The following WWOX variants were observed in gnomAD, a reference collection of about 807,000 sequenced individuals.
WWOX encodes WW domain-containing oxidoreductase.
A neutral mutation model predicts 46.2 loss-of-function variants in WWOX; 69 were observed. The observed-to-expected ratio is 1.49, with a 90% CI of 1.23 to 1.82. The LOEUF is 1.82. Among genes scored for constraint, WWOX ranks in the 40% most tolerant of loss-of-function variants. The pLI, the probability that WWOX is intolerant of heterozygous loss-of-function variation, is 0.00. For synonymous variants in WWOX, 359 were observed against 202.6 expected (o/e 1.77, Z -6.56); for missense variants, 919 against 542.6 (o/e 1.69, Z -6.89).
At chr16:78,328,563 T>C (rs931875111) in intron 5 of WWOX, among the ~76,000 whole-genome samples, 1 of 152,218 alleles carries the variant, frequency 6.6e-6, no homozygotes, top group African/African-American at 2.4e-5. Context: ...AACAAGTATT[T>C]ATTGTAGGCC....
intron 5 of WWOX, among the ~76,000 whole-genome samples, chr16:78,288,475 A>G (rs2079807378): frequency 6.6e-6 from 1 of 152,154 alleles, no homozygotes; most frequent in East Asian, 1.9e-4. Flanking sequence ...AATGGAATGT[A>G]TTTGGAAAGA....
chr16:78,164,338 C>T (rs147461346), intron 5 of WWOX, 49 bp downstream of exon 5: 110 of 1,537,828 alleles, frequency 7.2e-5, no homozygotes, highest in African/African-American at 2.9e-4. Flanking sequence ...ATACACATGC[C>T]GGGCTAACCA....
intron 5 of WWOX, among the ~76,000 whole-genome samples, chr16:78,325,110 C>G (rs1367334566): frequency 9.9e-5 from 15 of 152,124 alleles, no homozygotes; most frequent in Non-Finnish European, 4.4e-5. Flanking sequence ...GAGTGTTGGT[C>G]CCGTCACAGG....
chr16:78,248,776 A>T (rs2037897051), intron 5 of WWOX, among the ~76,000 whole-genome samples: 1 of 151,942 alleles, frequency 6.6e-6, no homozygotes, highest in Non-Finnish European at 1.5e-5. Flanking sequence ...TTTGGTGGGG[A>T]CACAGATTCA....
intron 4 of WWOX, among the ~76,000 whole-genome samples, chr16:78,158,919 A>G (rs2034692704): frequency 1.3e-5 from 2 of 152,084 alleles, no homozygotes; most frequent in Admixed American, 1.3e-4. Flanking sequence ...CCCTTTGGCT[A>G]ATACCTCCTT....
Position 78,745,716 on chromosome 16 carries a change from A to G in WWOX, c.1056+312964A>G, listed in dbSNP as rs570750277. On this transcript the variant is annotated intron_variant, in intron 8 of 8. Coordinates refer to ENST00000566780, the MANE Select transcript of WWOX (RefSeq NM_016373.4). Reference sequence around the variant, plus strand: ...CCCCCTCACTGCCACACCCCCTCATAGATTTCTTCTTTTCCTCCTCCTTCT... The same window carrying G: ...CCCCCTCACTGCCACACCCCCTCATGGATTTCTTCTTTTCCTCCTCCTTCT... 4.8e-5 allele frequency among the ~76,000 whole-genome samples: 7 copies of G among 145,944 alleles called. No homozygotes were observed. In the South Asian group the frequency reaches 1.4e-3, roughly 29 times the overall value.
At chr16:78,607,232 A>G (rs986374836) in intron 8 of WWOX, among the ~76,000 whole-genome samples, 1 of 152,186 alleles carries the variant, frequency 6.6e-6, no homozygotes, top group Non-Finnish European at 1.5e-5. Context: ...ACTTTAATAA[A>G]GCGGTTTATA....
intron 5 of WWOX, among the ~76,000 whole-genome samples, chr16:78,293,414 C>T (rs1280373182): frequency 1.3e-5 from 2 of 152,156 alleles, no homozygotes; most frequent in Non-Finnish European, 2.9e-5. Context: ...TCTGTATCCC[C>T]TGGGATAACC....
intron 8 of WWOX, among the ~76,000 whole-genome samples, chr16:78,884,559 C>T (rs1017118143): frequency 1.3e-5 from 2 of 152,064 alleles, no homozygotes; most frequent in African/African-American, 4.8e-5. Context: ...ATTTATCTTA[C>T]AGAGATGATG....
chr16:78,692,460 C>T (rs1310887196), intron 8 of WWOX, among the ~76,000 whole-genome samples: 1 of 152,118 alleles, frequency 6.6e-6, no homozygotes, highest in Admixed American at 6.5e-5. Flanking sequence ...GAGTGATGCC[C>T]CCTTCAAAGT....
intron 8 of WWOX, chr16:78,552,701 A>C (rs977166757): frequency 3.3e-5 from 5 of 152,222 alleles, no homozygotes; most frequent in African/African-American, 1.2e-4. Context: ...TCCTAAGAAA[A>C]AGCAGATTTT....
intron 8 of WWOX, among the ~76,000 whole-genome samples, chr16:79,153,804 C>T (rs567970487): frequency 2.0e-5 from 3 of 152,108 alleles, no homozygotes; most frequent in African/African-American, 4.8e-5. Flanking sequence ...TAGGAGAATG[C>T]GTGCTCTTTT....
In WWOX at chr16:78,914,348, A is replaced by G. The variant is rs527705794; in HGVS notation, c.1057-297260A>G. ...CACTCATGTCTTCAGCACTTAGAAC[A>G]GTACCTGGCATATAGGATGAGCTTC... On this transcript the variant is annotated intron_variant, in intron 8 of 8. Transcript: ENST00000566780. 3.3e-5 allele frequency among the ~76,000 whole-genome samples: 5 copies of G among 152,196 alleles called. No individual in the cohort carries two copies. In the East Asian group the frequency reaches 7.7e-4, roughly 23 times the overall value.
intron 8 of WWOX, among the ~76,000 whole-genome samples, chr16:79,019,336 A>G (rs2047484598): frequency 6.6e-6 from 1 of 152,008 alleles, no homozygotes; most frequent in Middle Eastern, 3.2e-3. Flanking sequence ...TCTACTACAC[A>G]CACACTTAGG....
In WWOX at chr16:78,730,525, C is replaced by T. The variant is rs966987247; in HGVS notation, c.1056+297773C>T. Among the ~76,000 whole-genome samples, 4 of 151,900 alleles carry T rather than the reference C, an allele frequency of 2.6e-5. No individual in the cohort carries two copies. The East Asian group carries it at 7.8e-4, about 29-fold the overall frequency. ...GGAGTGCGATGGCACCATCTGAGCT[C>T]ACTGCAGCCTCAACCGCCTGGTCTC... On this transcript the variant is annotated intron_variant, in intron 8 of 8. Coordinates refer to ENST00000566780, the MANE Select transcript of WWOX (RefSeq NM_016373.4).
intron 5 of WWOX, among the ~76,000 whole-genome samples, chr16:78,285,983 A>C (rs956797512): frequency 6.6e-6 from 1 of 152,206 alleles, no homozygotes; most frequent in South Asian, 2.1e-4. Flanking sequence ...TAGAACTCAC[A>C]GCACCGTCTC....
intron 8 of WWOX, among the ~76,000 whole-genome samples, chr16:79,132,153 CACACACACACACA>C (rs1273200083): frequency 1.3e-5 from 2 of 151,746 alleles, no homozygotes; most frequent in African/African-American, 4.9e-5. Context: ...CACACACACA[CACACACACACACA>C]CCCCTTCCTA....
chr16:78,510,435 A>G (rs1392947381), intron 8 of WWOX, among the ~76,000 whole-genome samples: 1 of 152,104 alleles, frequency 6.6e-6, no homozygotes, highest in Non-Finnish European at 1.5e-5. Flanking sequence ...TATGGTCTCA[A>G]ACTCCTGACC....
chr16:78,421,318 A>C (rs1296322805), intron 6 of WWOX, among the ~76,000 whole-genome samples: 2 of 152,086 alleles, frequency 1.3e-5, no homozygotes, highest in African/African-American at 4.8e-5. Context: ...GCTTCCCATG[A>C]CTGCCAGCCA....
Sources: allele counts gnomAD v4.1 joint callset (sites outside exome capture counted in the v4.1 genomes callset), GRCh38; gene constraint gnomAD v4.1.1; transcripts MANE v1.5; gene names NCBI Gene and HGNC (gene_info 2026-07-23, HGNC 2026-07-21).